The following IFT46 variants were observed in gnomAD, a reference collection of about 807,000 sequenced individuals.
The protein encoded by IFT46 is intraflagellar transport 46.
In IFT46, 19 loss-of-function variants were observed where a neutral mutation model predicts 39.6. The observed-to-expected ratio is 0.48, with a 90% CI of 0.33 to 0.70. IFT46 has a LOEUF of 0.70. Among genes scored for constraint, IFT46 ranks in the 30% least tolerant of loss-of-function variants. IFT46 has a pLI of 0.01. For synonymous variants in IFT46, 117 were observed against 134.8 expected (o/e 0.87, Z 0.91); for missense variants, 334 against 364.8 (o/e 0.92, Z 0.69).
chr11:118,572,910 C>T, exon 1 of IFT46: 1 of 294,038 alleles, frequency 3.4e-6, no homozygotes, highest in Middle Eastern at 9.3e-4. Flanking sequence ...CCGCCGGTTC[C>T]CTGGCGCTTA....
At chr11:118,560,843 A>G (rs1203591517) in intron 2 of IFT46, 3 of 757,106 alleles carry the variant, frequency 4.0e-6, no homozygotes, top group African/African-American at 3.4e-5. Flanking sequence ...ATATAAGATG[A>G]TAGTTCGTGT....
At chr11:118,551,686 A>T (rs1184887357) in intron 9 of IFT46, 100 bp downstream of exon 9, 2 of 900,280 alleles carry the variant, frequency 2.2e-6, no homozygotes, top group African/African-American at 1.7e-5. Flanking sequence ...AAAAAAAAAA[A>T]AAAAGTTACC....
rs531928287 is a variant in IFT46, at chr11:118,562,256, G to A, written c.-35-2392C>T. The stretch of plus-strand genomic sequence containing the variant: ...CACGCCATTGCACTCCAGCCTGGGC[G>A]ACAGAGCAAGACTCCATCTCAAAAA... On this transcript the variant is annotated intron_variant, in intron 2 of 11. Coordinates refer to ENST00000264021, the MANE Select transcript of IFT46 (RefSeq NM_001168618.2). Among the ~76,000 whole-genome samples the A allele has an allele frequency of 2.4e-4, 37 of 151,688 alleles. No individual in the cohort carries two copies. The South Asian group carries it at 4.8e-3, about 20-fold the overall frequency.
At position 118,572,463 on chromosome 11, in the gene IFT46, G is replaced by T; in HGVS notation, c.-133+133C>A. 4.0e-6 allele frequency: 6 copies of T among 1,495,182 alleles called. No homozygotes were observed. The South Asian group carries it at 5.9e-5, about 15-fold the overall frequency. 92.6% of individuals were successfully genotyped at this position (1,495,182 alleles called of 1,614,324 possible). On this transcript the variant is annotated intron_variant, in intron 1 of 5. Transcript: ENST00000528378. ...TCCTGTCAAGGGGGCAGCAGGTCCAGAGCTGCTGGTGCTCCCGTTCCCCAG... is the reference window on the plus strand; with the variant it reads ...TCCTGTCAAGGGGGCAGCAGGTCCATAGCTGCTGGTGCTCCCGTTCCCCAG...
At chr11:118,547,744 CTTTT>C (rs1233612951) in intron 9 of IFT46, among the ~76,000 whole-genome samples, 6 of 91,174 alleles carry the variant, frequency 6.6e-5, no homozygotes, top group Middle Eastern at 6.2e-3. Context: ...CTTTTCTTTT[CTTTT>C]TTTTTTTTTT....
intron 4 of IFT46, among the ~76,000 whole-genome samples, chr11:118,555,806 G>A (rs113126764): frequency 6.6e-5 from 10 of 151,740 alleles, no homozygotes; most frequent in South Asian, 2.1e-4. Context: ...ACCTGTAGTC[G>A]CAGCTACTCA....
At chr11:118,560,916 C>A (rs1938034981) in intron 2 of IFT46, 4 of 940,306 alleles carry the variant, frequency 4.3e-6, no homozygotes, top group Admixed American at 3.4e-5. Context: ...ATAGTCTGCG[C>A]AGCATATGCA....
chr11:118,574,620 T>G (rs1429217954), upstream of IFT46, among the ~76,000 whole-genome samples: 1 of 152,140 alleles, frequency 6.6e-6, no homozygotes, highest in Non-Finnish European at 1.5e-5. Context: ...AAAAATAAAT[T>G]CCCTTTGGCT....
chr11:118,560,896 A>G, intron 2 of IFT46: 1 of 821,770 alleles, frequency 1.2e-6, no homozygotes, highest in African/African-American at 1.7e-5. Flanking sequence ...ATGCCCGTAT[A>G]GAGGGGGATA....
intron 8 of IFT46, 131 bp downstream of exon 8, chr11:118,552,083 T>C (rs1937660577): frequency 8.7e-7 from 1 of 1,149,204 alleles, no homozygotes; most frequent in Non-Finnish European, 1.3e-6. Flanking sequence ...CAGCCAGTAG[T>C]TGCCAGGATC....
intron 9 of IFT46, chr11:118,546,719 C>T (rs1951696406): frequency 6.5e-6 from 1 of 152,760 alleles, no homozygotes; most frequent in African/African-American, 2.4e-5. Context: ...CACTGCCATA[C>T]TCTTTTCCTG....
chr11:118,544,619 C>A lies in IFT46; in HGVS notation c.*297G>T. 3.0e-6 allele frequency: 1 copy of A among 335,724 alleles called. No individual in the cohort carries two copies. The highest frequency in any genetic ancestry group is 6.5e-5 in the South Asian group (1 of 15,494). 20.8% of individuals were successfully genotyped at this position (335,724 alleles called of 1,614,324 possible). ...TCCATCCCTCTCACAAAAAGGACAT[C>A]TTTTAAGCTTTCCTCCCAATCTAAC... On this transcript the variant is annotated 3_prime_UTR_variant, in exon 12 of 12. Coordinates refer to ENST00000264021, the MANE Select transcript of IFT46 (RefSeq NM_001168618.2).
intron 9 of IFT46, chr11:118,546,181 G>A (rs1555067105): frequency 2.8e-6 from 2 of 718,218 alleles, no homozygotes; most frequent in African/African-American, 1.7e-5. Flanking sequence ...ACAGAAGATG[G>A]CCAAGAAGAG....
intron 11 of IFT46, 43 bp from the exon 12 acceptor site, chr11:118,545,054 C>T: frequency 7.8e-7 from 1 of 1,281,408 alleles, no homozygotes; most frequent in Non-Finnish European, 1.1e-6. Context: ...TAGGGATATG[C>T]TAATTGCTAT....
At chr11:118,545,745 A>AGT (rs781882984) in intron 10 of IFT46, 48 bp downstream of exon 10, 2 of 1,565,608 alleles carry the variant, frequency 1.3e-6, no homozygotes, top group Non-Finnish European at 1.8e-6. Context: ...AAAAGCCTAG[A>AGT]GTGTCTCTAT....
At position 118,546,308 on chromosome 11, in the gene IFT46, G is replaced by A. The variant is rs2135467710; in HGVS notation, c.673-455C>T. 3 of 609,362 alleles carry A rather than the reference G, an allele frequency of 4.9e-6. No individual in the cohort carries two copies. The East Asian group carries it at 8.4e-5, about 17-fold the overall frequency. The allele number at this position is 609,362 out of a possible 1,614,324, so 37.7% of individuals were successfully genotyped here. A position where few individuals can be genotyped will look rare whatever the true frequency, so the allele number is the denominator to read the frequency against. On this transcript the variant is annotated intron_variant, in intron 9 of 11. Coordinates refer to ENST00000264021, the MANE Select transcript of IFT46 (RefSeq NM_001168618.2). Reference sequence around the variant, plus strand: ...AGCCTAGGAGTTCGAGACCAGCCTGGGCAACATGGTGAAATTCCATCTCTA... The same window carrying A: ...AGCCTAGGAGTTCGAGACCAGCCTGAGCAACATGGTGAAATTCCATCTCTA...
chr11:118,568,780 C>A (rs1555071940), upstream of IFT46, among the ~76,000 whole-genome samples: 2 of 151,384 alleles, frequency 1.3e-5, no homozygotes, highest in Non-Finnish European at 1.5e-5. Flanking sequence ...ATTCTCCCAC[C>A]GAGTAGCTGG....
chr11:118,552,233 CA>C lies in IFT46; in HGVS notation c.585del (p.Ala196ArgfsTer15). On this transcript the variant is annotated frameshift_variant, in exon 8 of 12. Transcript: ENST00000264021. LOFTEE classifies it high-confidence loss of function. ...SISELHRSKP[P>X]ATVHYTRPMP... ...TCTTACCTGGTGTAGTGCACAGTCG[CA>C]GGGGGCTTAGAACGGTGTAATTCAG... 6.2e-7 allele frequency: 1 copy of C among 1,614,110 alleles called. No individual in the cohort carries two copies. The highest frequency in any genetic ancestry group is 8.5e-7 in the Non-Finnish European group (1 of 1,180,030).
In IFT46 at chr11:118,555,255, T is replaced by G. The variant is rs372794442; in HGVS notation, c.253A>C (p.Ile85Leu). The change falls in exon 5 of 12, where the codon ATC (isoleucine) becomes CTC (leucine). Residue 85 changes from isoleucine to leucine, a missense_variant. By Grantham distance (5) the Ile-to-Leu change is conservative. Transcript: ENST00000264021. ...SAEIKELFQY[I>L]SRYTPQLIDL... ...GGAGGTCCTAGTACTCACCTACTGA[T>G]GTACTGGAAGAGTTCCTTAATTTCA... 2 of 1,611,970 alleles carry G rather than the reference T, an allele frequency of 1.2e-6. No homozygotes were observed. Among genetic ancestry groups the G allele is most frequent in the East Asian group, 2.2e-5 (1 of 44,882 alleles).
Sources: allele counts gnomAD v4.1 joint callset (sites outside exome capture counted in the v4.1 genomes callset), GRCh38; gene constraint gnomAD v4.1.1; transcripts MANE v1.5; gene names NCBI Gene and HGNC (gene_info 2026-07-23, HGNC 2026-07-21).